Variants in CYYR1 observed in about 807,000 individuals in gnomAD.
CYYR1 encodes the protein cysteine and tyrosine rich 1.
CYYR1 carries 14 observed loss-of-function variants against 15.2 expected under a neutral mutation model. That is an observed-to-expected ratio of 0.92 (90% CI 0.61 to 1.44). The LOEUF (loss-of-function observed/expected upper bound fraction) is 1.44. CYYR1 is among the 40% of genes most tolerant of loss of function. The pLI is 0.00. For synonymous variants in CYYR1, 80 were observed against 77.4 expected, an observed-to-expected ratio of 1.03 and a Z score of -0.18; for missense variants, 228 against 209.5, an observed-to-expected ratio of 1.09 and a Z score of -0.54.
chr21:26,476,499 T>C (rs1359706629), intron 3 of CYYR1, among the ~76,000 whole-genome samples: 1 of 152,152 alleles, frequency 6.6e-6, no homozygotes, highest in Non-Finnish European at 1.5e-5. Context: ...TTCAATTCTA[T>C]AACTCCCTTC....
At chr21:26,543,176 A>G (rs1050694178) in intron 2 of CYYR1, among the ~76,000 whole-genome samples, 1 of 152,074 alleles carries the variant, frequency 6.6e-6, no homozygotes, top group East Asian at 1.9e-4. Context: ...CACACACTGG[A>G]GTCTGTTGCG....
chr21:26,559,311 C>A (rs529373173), intron 2 of CYYR1, among the ~76,000 whole-genome samples: 6 of 152,208 alleles, frequency 3.9e-5, no homozygotes, highest in South Asian at 4.1e-4. Context: ...TCAGGCATTG[C>A]GGATACTAAT....
intron 3 of CYYR1, chr21:26,478,028 A>C: frequency 6.5e-7 from 1 of 1,545,194 alleles, no homozygotes; most frequent in Non-Finnish European, 8.7e-7. Flanking sequence ...AGTTGTGTTC[A>C]TCATTCATTC....
chr21:26,511,705 A>G (rs1348544144), intron 2 of CYYR1, among the ~76,000 whole-genome samples: 1 of 152,212 alleles, frequency 6.6e-6, no homozygotes. Flanking sequence ...TTGAAAATTT[A>G]TACTACTGCC....
intron 2 of CYYR1, among the ~76,000 whole-genome samples, chr21:26,552,911 C>T (rs1979497054): frequency 6.6e-6 from 1 of 152,062 alleles, no homozygotes; most frequent in Non-Finnish European, 1.5e-5. Context: ...AACAGCCTAC[C>T]ATATTTACTA....
At chr21:26,568,026 A>T (rs976722239) in intron 1 of CYYR1, 2 of 152,254 alleles carry the variant, frequency 1.3e-5, no homozygotes, top group African/African-American at 2.4e-5. Context: ...AAAAATAATT[A>T]CCTTTGTGAG....
At chr21:26,480,720 C>G (rs1335064824) in intron 2 of CYYR1, among the ~76,000 whole-genome samples, 2 of 152,018 alleles carry the variant, frequency 1.3e-5, no homozygotes, top group African/African-American at 2.4e-5. Context: ...TGATACAAAG[C>G]ACAATTCTCT....
rs762252975 is a variant in CYYR1, at chr21:26,484,013, A to G, written c.177-3584T>C. ...ATCCTATACTTTTCTGAGACTGGCC[A>G]TAATTTCTTACCCCAAACCACTGGG... On this transcript the variant is annotated intron_variant, in intron 2 of 3. Coordinates refer to ENST00000652641, the MANE Select transcript of CYYR1 (RefSeq NM_001320768.2). Among the ~76,000 whole-genome samples, 5 of 152,112 alleles carry G rather than the reference A, an allele frequency of 3.3e-5. No homozygotes were observed. The South Asian group carries it at 6.2e-4, about 19-fold the overall frequency.
chr21:26,549,656 A>G (rs1979237335), intron 2 of CYYR1, among the ~76,000 whole-genome samples: 1 of 152,152 alleles, frequency 6.6e-6, no homozygotes, highest in Non-Finnish European at 1.5e-5. Context: ...AGAAAAGTGT[A>G]GAGTGTGGGC....
At chr21:26,550,331 C>T (rs1292133242) in intron 2 of CYYR1, 1 of 152,128 alleles carries the variant, frequency 6.6e-6, no homozygotes, top group Non-Finnish European at 1.5e-5. Context: ...CTCCCTCCTC[C>T]CTGAAACACA....
At chr21:26,472,092 C>A (rs219645) in intron 3 of CYYR1, among the ~76,000 whole-genome samples, 28,429 of 152,152 alleles carry the variant, frequency 0.19, 3,800 homozygotes, top group African/African-American at 0.36. Context: ...TTTAACAAAT[C>A]ATATCTTTAA....
intron 2 of CYYR1, among the ~76,000 whole-genome samples, chr21:26,520,969 G>A (rs541167275): frequency 5.6e-4 from 85 of 152,258 alleles, no homozygotes; most frequent in African/African-American, 2.0e-3. Flanking sequence ...ACTTGTAAGT[G>A]GGACCTGAAC....
intron 2 of CYYR1, among the ~76,000 whole-genome samples, chr21:26,496,305 C>G (rs2065402877): frequency 6.6e-6 from 1 of 151,932 alleles, no homozygotes. Flanking sequence ...AAGCCTAGGA[C>G]AGAGTCCAAA....
At chr21:26,527,242 T>A (rs1324313416) in intron 2 of CYYR1, among the ~76,000 whole-genome samples, 3 of 152,224 alleles carry the variant, frequency 2.0e-5, no homozygotes, top group Admixed American at 2.0e-4. Context: ...CAGGCCAACA[T>A]ATTACCAAAA....
At chr21:26,497,161 A>T (rs945291490) in intron 2 of CYYR1, among the ~76,000 whole-genome samples, 1 of 152,176 alleles carries the variant, frequency 6.6e-6, no homozygotes, top group Non-Finnish European at 1.5e-5. Flanking sequence ...TCCTTAAAAC[A>T]TCCTCATATT....
rs2064979070 is a variant in CYYR1 at position 26,467,245 on chromosome 21, T to C, written c.*1256A>G. Reference sequence around the variant, plus strand: ...ACAATTCATATAAAAATATAAATGTTAAGGTCACTCACAGCAAAATATGGC... The same window carrying C: ...ACAATTCATATAAAAATATAAATGTCAAGGTCACTCACAGCAAAATATGGC... On this transcript the variant is annotated 3_prime_UTR_variant, in exon 4 of 4. Transcript: ENST00000652641. 6.6e-6 allele frequency: 1 copy of C among 152,196 alleles called. No homozygotes were observed. The highest frequency in any genetic ancestry group is 2.1e-4 in the South Asian group (1 of 4,834). 9.4% of individuals were successfully genotyped at this position (152,196 alleles called of 1,614,324 possible). A position where few individuals can be genotyped will look rare whatever the true frequency, so the allele number is the denominator to read the frequency against.
intron 2 of CYYR1, among the ~76,000 whole-genome samples, chr21:26,510,200 A>C (rs2065627866): frequency 6.6e-6 from 1 of 152,226 alleles, no homozygotes; most frequent in Non-Finnish European, 1.5e-5. Flanking sequence ...GCAACCGTTC[A>C]AATGCCAGTA....
At chr21:26,490,512 A>G (rs1017675629) in intron 2 of CYYR1, among the ~76,000 whole-genome samples, 1 of 152,204 alleles carries the variant, frequency 6.6e-6, no homozygotes, top group African/African-American at 2.4e-5. Flanking sequence ...GGTCATACTC[A>G]GCAAAAGAGA....
In CYYR1 at chr21:26,467,587, G is replaced by T. The variant is rs2064983507; in HGVS notation, c.*914C>A. 1 of 152,064 alleles carries T rather than the reference G, an allele frequency of 6.6e-6. No individual in the cohort carries two copies. The highest frequency in any genetic ancestry group is 2.4e-5 in the African/African-American group (1 of 41,386). 9.4% of individuals were successfully genotyped at this position (152,064 alleles called of 1,614,324 possible). ...TTGATTTCTCATCTTTTACTTGGAA[G>T]TGAAGTGTCTGCTACCTGTGGAACT... On this transcript the variant is annotated 3_prime_UTR_variant, in exon 4 of 4. Transcript: ENST00000652641.
Sources: gnomAD v4.1 joint callset for allele counts (sites outside exome capture counted in the v4.1 genomes callset) on GRCh38, gnomAD v4.1.1 for gene constraint, MANE v1.5 for transcripts, NCBI Gene and HGNC (gene_info 2026-07-23, HGNC 2026-07-21) for gene names.